IL1R2: variants seen among roughly 807,000 people sequenced by gnomAD.
IL1R2 encodes interleukin 1 receptor type 2.
IL1R2 carries 46 observed loss-of-function variants against 39.5 expected under a neutral mutation model. That is an observed-to-expected ratio of 1.16 (90% CI 0.92 to 1.49). IL1R2 has a LOEUF of 1.49. IL1R2 is among the 40% of genes most tolerant of loss of function. The pLI is 0.00. For synonymous variants in IL1R2, 207 were observed against 189.6 expected (o/e 1.09, Z -0.75); for missense variants, 537 against 502.0 (o/e 1.07, Z -0.67).
chr2:102,013,576 G>GAAAAA (rs1559421494), intron 3 of IL1R2, among the ~76,000 whole-genome samples: 2 of 54,716 alleles, frequency 3.7e-5, no homozygotes, highest in Non-Finnish European at 8.0e-5. Flanking sequence ...AGAAAAGAAG[G>GAAAAA]AAAAGAAAAA....
chr2:102,016,484 T>C (rs1285691235), intron 4 of IL1R2: 1 of 160,790 alleles, frequency 6.2e-6, no homozygotes, highest in Admixed American at 6.0e-5. Flanking sequence ...TGTTTATATG[T>C]ACAAAAACTG....
intron 8 of IL1R2, among the ~76,000 whole-genome samples, chr2:102,026,654 C>T (rs188803001): frequency 3.9e-5 from 6 of 152,188 alleles, no homozygotes; most frequent in African/African-American, 1.4e-4. Context: ...TTGGGAGCTA[C>T]CCAGGGTTCA....
intron 4 of IL1R2, among the ~76,000 whole-genome samples, chr2:102,017,777 C>A (rs3218926): frequency 6.6e-6 from 1 of 151,958 alleles, no homozygotes; most frequent in African/African-American, 2.4e-5. Flanking sequence ...TGTCTGTAGC[C>A]GCTTTCACAT....
intron 5 of IL1R2, among the ~76,000 whole-genome samples, chr2:102,021,305 C>CTTTTTTTTTTTTTTT (rs546019141): frequency 8.1e-5 from 10 of 122,836 alleles, no homozygotes; most frequent in Non-Finnish European, 1.0e-4. Flanking sequence ...CTTTTCTTTT[C>CTTTTTTTTTTTTTTT]TTTTTTTTTT....
chr2:102,003,343 GCTGTGT>G (rs889430120), intron 1 of IL1R2, among the ~76,000 whole-genome samples: 1 of 138,662 alleles, frequency 7.2e-6, no homozygotes, highest in Non-Finnish European at 1.6e-5. Flanking sequence ...TCTGGCTGTG[GCTGTGT>G]CTGTGTCTGT....
At position 102,022,183 on chromosome 2, in the gene IL1R2, T is replaced by C. The variant is rs3218961; in HGVS notation, c.689-4T>C. 1.2e-6 allele frequency: 2 copies of C among 1,611,492 alleles called. No individual in the cohort carries two copies. Among genetic ancestry groups the C allele is most frequent in the Non-Finnish European group, 1.7e-6 (2 of 1,177,742 alleles). ...GGAATCTCTTTTCCTTACATCTTTC[T>C]CAGAAAAAAAAGAAGAGACCATTCC... is the stretch of plus-strand genomic sequence containing the variant. On this transcript the variant is annotated splice_region_variant and splice_polypyrimidine_tract_variant and intron_variant, in intron 5 of 8. Coordinates refer to ENST00000332549, the MANE Select transcript of IL1R2 (RefSeq NM_004633.4).
At chr2:102,016,915 T>G (rs1432607421) in intron 4 of IL1R2, among the ~76,000 whole-genome samples, 2 of 152,178 alleles carry the variant, frequency 1.3e-5, no homozygotes, top group East Asian at 3.8e-4. Flanking sequence ...TTAAAGAATT[T>G]AAAAGGGCCG....
intron 1 of IL1R2, chr2:101,999,200 T>G (rs1432466484): frequency 1.3e-5 from 2 of 152,392 alleles, no homozygotes; most frequent in East Asian, 1.9e-4. Context: ...CCTTGTTTCT[T>G]CTGTCTTTGT....
At chr2:101,994,777 T>G (rs543581784) in intron 1 of IL1R2, among the ~76,000 whole-genome samples, 4 of 152,336 alleles carry the variant, frequency 2.6e-5, no homozygotes, top group African/African-American at 9.6e-5. Flanking sequence ...CTGATTCTCT[T>G]GGTCTGAATT....
chr2:101,996,838 G>T (rs967430026), intron 1 of IL1R2, among the ~76,000 whole-genome samples: 1 of 151,518 alleles, frequency 6.6e-6, no homozygotes, highest in Non-Finnish European at 1.5e-5. Context: ...ACAAATTGAC[G>T]CCAAAAAGAT....
intron 1 of IL1R2, among the ~76,000 whole-genome samples, chr2:101,992,696 CAG>C (rs1435444062): frequency 6.6e-6 from 1 of 150,416 alleles, no homozygotes; most frequent in East Asian, 2.0e-4. Flanking sequence ...GAGACCAAGA[CAG>C]AGGGAGAGAC....
chr2:102,019,887 G>GTAGAATTC, intron 5 of IL1R2, 75 bp downstream of exon 5: 1 of 1,273,250 alleles, frequency 7.9e-7, no homozygotes, highest in Non-Finnish European at 1.1e-6. Context: ...GACGGTGCAC[G>GTAGAATTC]TAGAATTCCT....
At chr2:102,007,183 G>A (rs572332951) in intron 1 of IL1R2, among the ~76,000 whole-genome samples, 1 of 152,294 alleles carries the variant, frequency 6.6e-6, no homozygotes, top group Non-Finnish European at 1.5e-5. Context: ...ACTTGTGATA[G>A]TGTGAGAAGG....
chr2:101,996,951 C>T (rs981767005), intron 1 of IL1R2, among the ~76,000 whole-genome samples: 1 of 152,092 alleles, frequency 6.6e-6, no homozygotes, highest in African/African-American at 2.4e-5. Flanking sequence ...CTGTCTGAGT[C>T]GGCTCAAATC....
intron 1 of IL1R2, among the ~76,000 whole-genome samples, chr2:101,996,557 T>G (rs1176755264): frequency 1.5e-5 from 2 of 136,566 alleles, no homozygotes; most frequent in African/African-American, 5.6e-5. Flanking sequence ...GACACAGGGC[T>G]TGGGACAATT....
chr2:102,013,811 G>A (rs3218883), intron 3 of IL1R2, among the ~76,000 whole-genome samples: 25,590 of 151,950 alleles, frequency 0.17, 2,566 homozygotes, highest in East Asian at 0.29. Context: ...GCTTTGGAGG[G>A]TCTCTCATGG....
chr2:102,019,388 TC>T (rs1677214073), intron 4 of IL1R2, among the ~76,000 whole-genome samples: 1 of 152,338 alleles, frequency 6.6e-6, no homozygotes, highest in Admixed American at 6.5e-5. Context: ...CTCTTTTTTT[TC>T]CCCTTGGACA....
chr2:102,024,744 C>T, intron 7 of IL1R2, 76 bp downstream of exon 7: 1 of 1,526,508 alleles, frequency 6.6e-7, no homozygotes, highest in African/African-American at 1.4e-5. Flanking sequence ...TCACTATGAC[C>T]CACATACCAC....
At chr2:102,025,152 G>C (rs1677654738) in intron 7 of IL1R2, among the ~76,000 whole-genome samples, 1 of 152,152 alleles carries the variant, frequency 6.6e-6, no homozygotes, top group Admixed American at 6.6e-5. Flanking sequence ...CTCATAAGCA[G>C]TCATCTCTAG....
Sources: allele counts gnomAD v4.1 joint callset (sites outside exome capture counted in the v4.1 genomes callset), GRCh38; gene constraint gnomAD v4.1.1; transcripts MANE v1.5; gene names NCBI Gene and HGNC (gene_info 2026-07-23, HGNC 2026-07-21).